Variants in GABRG3 observed in about 807,000 individuals in gnomAD.
The protein encoded by GABRG3 is gamma-aminobutyric acid type A receptor subunit gamma3.
A neutral mutation model predicts 48.8 loss-of-function variants in GABRG3; 25 were observed. The ratio of observed to expected loss-of-function variants is 0.51; its 90% CI spans 0.37 to 0.72. The LOEUF (loss-of-function observed/expected upper bound fraction) is 0.72, where lower values mean the gene tolerates loss of function less well. Ranked by LOEUF, GABRG3 falls within the 30% of genes least tolerant of loss-of-function variation. The pLI is 0.00. For synonymous variants in GABRG3, 227 were observed against 217.6 expected (o/e 1.04, Z -0.38); for missense variants, 394 against 577.9 (o/e 0.68, Z 3.26).
At chr15:26,982,050 T>C (rs998472674) in intron 2 of GABRG3, among the ~76,000 whole-genome samples, 1 of 152,246 alleles carries the variant, frequency 6.6e-6, no homozygotes, top group East Asian at 1.9e-4. Context: ...TCCTTCCAGC[T>C]TTAAAATATT....
chr15:27,482,742 T>C (rs1890130431), intron 6 of GABRG3, among the ~76,000 whole-genome samples: 1 of 152,212 alleles, frequency 6.6e-6, no homozygotes, highest in Admixed American at 6.5e-5. Flanking sequence ...TTTTCAAGCT[T>C]ATGTAAATAA....
intron 5 of GABRG3, among the ~76,000 whole-genome samples, chr15:27,446,904 A>G (rs1030072521): frequency 2.0e-5 from 3 of 152,092 alleles, no homozygotes; most frequent in African/African-American, 7.2e-5. Context: ...ACACACATTC[A>G]CACACATATA....
chr15:27,307,891 AATAT>A (rs547765318), intron 3 of GABRG3, among the ~76,000 whole-genome samples: 1 of 133,776 alleles, frequency 7.5e-6, no homozygotes. Context: ...TTATATATAA[AATAT>A]ATATAAAATA....
intron 3 of GABRG3, among the ~76,000 whole-genome samples, chr15:27,164,329 T>C (rs1158380437): frequency 6.6e-6 from 1 of 152,144 alleles, no homozygotes; most frequent in Non-Finnish European, 1.5e-5. Context: ...ATGAAAACAT[T>C]CCCCCGCATA....
chr15:27,361,015 G>A (rs1895005631), intron 5 of GABRG3, among the ~76,000 whole-genome samples: 4 of 152,202 alleles, frequency 2.6e-5, no homozygotes, highest in Admixed American at 2.6e-4. Context: ...AGATGGTAAA[G>A]GACTGAGGGG....
intron 3 of GABRG3, among the ~76,000 whole-genome samples, chr15:27,055,554 C>T (rs1477979305): frequency 2.0e-5 from 3 of 152,250 alleles, no homozygotes; most frequent in South Asian, 2.1e-4. Flanking sequence ...CACAGTCAAA[C>T]GCTGGCGCAG....
intron 5 of GABRG3, among the ~76,000 whole-genome samples, chr15:27,388,308 GGGAGGGAGGGAAAA>G (rs1566818461): frequency 5.4e-5 from 2 of 36,902 alleles, no homozygotes; most frequent in East Asian, 1.6e-3. Context: ...AGGAAGGAAA[GGGAGGGAGGGAAAA>G]GAAGGAAGGA....
intron 5 of GABRG3, among the ~76,000 whole-genome samples, chr15:27,474,583 G>T (rs1889879170): frequency 6.6e-6 from 1 of 152,110 alleles, no homozygotes; most frequent in Admixed American, 6.5e-5. Flanking sequence ...GTCAATCTCT[G>T]ATCAAATGCA....
chr15:27,519,537 A>C (rs1367315752), intron 6 of GABRG3, among the ~76,000 whole-genome samples: 3 of 152,250 alleles, frequency 2.0e-5, no homozygotes, highest in Admixed American at 6.5e-5. Context: ...AAATGGTTAC[A>C]CAAGTTTATG....
At position 27,532,599 on chromosome 15, in the gene GABRG3, G is replaced by T; in HGVS notation, c.1123-1G>T. Reference sequence around the variant, plus strand: ...TGTTGTGTCATTTTTGTTGCTTGCAGAACTATTCCCTCCTGGACATGAGGC... The same window carrying T: ...TGTTGTGTCATTTTTGTTGCTTGCATAACTATTCCCTCCTGGACATGAGGC... On this transcript the variant is annotated splice_acceptor_variant, in intron 9 of 9. Coordinates refer to ENST00000615808, the MANE Select transcript of GABRG3 (RefSeq NM_033223.5). LOFTEE classifies it high-confidence loss of function. 2 of 1,613,012 alleles carry T rather than the reference G, an allele frequency of 1.2e-6. No homozygotes were observed. Among genetic ancestry groups the T allele is most frequent in the Non-Finnish European group, 1.7e-6 (2 of 1,179,322 alleles).
intron 5 of GABRG3, among the ~76,000 whole-genome samples, chr15:27,332,079 A>G (rs1442219995): frequency 6.6e-6 from 1 of 152,264 alleles, no homozygotes; most frequent in Non-Finnish European, 1.5e-5. Flanking sequence ...TGAGAATAAT[A>G]ACACTGTCCT....
intron 3 of GABRG3, among the ~76,000 whole-genome samples, chr15:27,221,898 G>A (rs1889465799): frequency 1.3e-5 from 2 of 152,300 alleles, no homozygotes; most frequent in South Asian, 4.1e-4. Context: ...CATGCACTAG[G>A]AGTTTGTATG....
chr15:27,078,996 A>G (rs189930075), intron 3 of GABRG3, among the ~76,000 whole-genome samples: 43 of 152,342 alleles, frequency 2.8e-4, no homozygotes, highest in Middle Eastern at 3.4e-3. Flanking sequence ...AGAAGGACTC[A>G]TGTCCATGGG....
rs1891639043 is a variant in GABRG3 at position 27,540,420 on chromosome 15, T to G, written c.*7539T>G. 6.6e-6 allele frequency: 1 copy of G among 152,252 alleles called. No individual in the cohort carries two copies. Among genetic ancestry groups the G allele is most frequent in the Admixed American group, 6.5e-5 (1 of 15,290 alleles). 9.4% of individuals were successfully genotyped at this position (152,252 alleles called of 1,614,324 possible). A position where few individuals can be genotyped will look rare whatever the true frequency, so the allele number is the denominator to read the frequency against. On this transcript the variant is annotated 3_prime_UTR_variant, in exon 10 of 10. Transcript: ENST00000615808. The stretch of plus-strand genomic sequence containing the variant: ...AGCTCAAAAAGACAATCACTGTGCT[T>G]CTTATCATCTAATTTGAGTCTAGGC...
intron 2 of GABRG3, among the ~76,000 whole-genome samples, chr15:27,006,974 G>A (rs1895598033): frequency 6.6e-6 from 1 of 151,990 alleles, no homozygotes; most frequent in South Asian, 2.1e-4. Flanking sequence ...GAGTTGCTGG[G>A]ACCACATGCA....
At chr15:27,519,708 G>A (rs73371548) in intron 6 of GABRG3, among the ~76,000 whole-genome samples, 11,472 of 152,138 alleles carry the variant, frequency 0.075, 1,462 homozygotes, top group African/African-American at 0.26. Context: ...TCGTGGAAGA[G>A]ATCTGCATGT....
At chr15:27,394,988 T>C (rs928913479) in intron 5 of GABRG3, among the ~76,000 whole-genome samples, 1 of 152,196 alleles carries the variant, frequency 6.6e-6, no homozygotes, top group African/African-American at 2.4e-5. Context: ...ATATGCTGAT[T>C]AACTTTTTAT....
chr15:27,059,156 G>C (rs990114372), intron 3 of GABRG3, among the ~76,000 whole-genome samples: 2 of 152,210 alleles, frequency 1.3e-5, no homozygotes, highest in African/African-American at 4.8e-5. Flanking sequence ...GACAATGAAG[G>C]CTCTGTCACT....
intron 3 of GABRG3, among the ~76,000 whole-genome samples, chr15:27,098,970 G>C (rs1004735795): frequency 1.8e-4 from 28 of 152,232 alleles, no homozygotes; most frequent in African/African-American, 6.3e-4. Flanking sequence ...GACAACACAT[G>C]ATGAGTTAGC....
Sources: allele counts gnomAD v4.1 joint callset (sites outside exome capture counted in the v4.1 genomes callset), GRCh38; gene constraint gnomAD v4.1.1; transcripts MANE v1.5; gene names NCBI Gene and HGNC (gene_info 2026-07-23, HGNC 2026-07-21).